The following MAGI3 variants were observed in gnomAD, a reference collection of about 807,000 sequenced individuals.
MAGI3 encodes the protein membrane-associated guanylate kinase, WW and PDZ domain-containing protein 3.
In MAGI3, 43 loss-of-function variants were observed where a neutral mutation model predicts 121.8. That is an observed-to-expected ratio of 0.35 (90% CI 0.28 to 0.46). The LOEUF (loss-of-function observed/expected upper bound fraction) is 0.46, where lower values mean the gene tolerates loss of function less well. Among genes scored for constraint, MAGI3 ranks in the 20% least tolerant of loss-of-function variants. The pLI, the probability that MAGI3 is intolerant of heterozygous loss-of-function variation, is 1.00. For missense variants in MAGI3, 1,547 were observed against 1,797.3 expected (o/e 0.86, Z 2.52); for synonymous variants, 553 against 639.3 (o/e 0.86, Z 2.04).
chr1:113,438,286 G>T (rs1036942226), intron 1 of MAGI3, among the ~76,000 whole-genome samples: 4 of 152,062 alleles, frequency 2.6e-5, no homozygotes, highest in African/African-American at 9.7e-5. Flanking sequence ...ATCCTGAGGG[G>T]ATATGTTCCA....
chr1:113,442,260 T>C (rs540024286), intron 1 of MAGI3, among the ~76,000 whole-genome samples: 32 of 152,304 alleles, frequency 2.1e-4, no homozygotes, highest in African/African-American at 6.3e-4. Flanking sequence ...GCAGAAGATA[T>C]GTTGAGAAGC....
intron 1 of MAGI3, among the ~76,000 whole-genome samples, chr1:113,456,853 C>CTT (rs76977595): frequency 2.1e-5 from 3 of 139,716 alleles, no homozygotes; most frequent in Non-Finnish European, 3.1e-5. Context: ...CGGATACAGC[C>CTT]TTTTTTTTTT....
At chr1:113,429,821 A>G (rs1653210194) in intron 1 of MAGI3, among the ~76,000 whole-genome samples, 1 of 152,138 alleles carries the variant, frequency 6.6e-6, no homozygotes, top group Non-Finnish European at 1.5e-5. Context: ...GTGGAGAGGT[A>G]GGGTGTTCCT....
intron 6 of MAGI3, among the ~76,000 whole-genome samples, chr1:113,596,118 A>G (rs983297343): frequency 1.3e-5 from 2 of 152,118 alleles, no homozygotes; most frequent in African/African-American, 2.4e-5. Context: ...AAAAAAGACA[A>G]AGTTGGAAGA....
intron 1 of MAGI3, among the ~76,000 whole-genome samples, chr1:113,425,474 C>T (rs1399040135): frequency 2.0e-5 from 3 of 151,512 alleles, no homozygotes; most frequent in African/African-American, 4.8e-5. Context: ...TCAGTAGAGA[C>T]GGGATTTCAC....
intron 1 of MAGI3, among the ~76,000 whole-genome samples, chr1:113,463,757 G>A (rs1456813958): frequency 6.6e-6 from 1 of 151,916 alleles, no homozygotes; most frequent in African/African-American, 2.4e-5. Flanking sequence ...CTGGAATTGG[G>A]GATGTCAATC....
At chr1:113,598,870 C>T (rs1235688) in intron 6 of MAGI3, among the ~76,000 whole-genome samples, 112,088 of 152,042 alleles carry the variant, frequency 0.74, 41,841 homozygotes, top group African/African-American at 0.78. Context: ...GCAGAATATA[C>T]ATTCTTCTCA....
chr1:113,574,754 T>C (rs1647513847), intron 2 of MAGI3, among the ~76,000 whole-genome samples: 1 of 152,198 alleles, frequency 6.6e-6, no homozygotes, highest in Non-Finnish European at 1.5e-5. Context: ...TTGCGGAGGT[T>C]CTCCTGGATA....
At chr1:113,529,265 AT>A (rs1204401071) in intron 1 of MAGI3, among the ~76,000 whole-genome samples, 1 of 152,204 alleles carries the variant, frequency 6.6e-6, no homozygotes, top group African/African-American at 2.4e-5. Context: ...TATAATGAAA[AT>A]TCCATAAACT....
At chr1:113,557,272 C>T (rs1175145961) in intron 2 of MAGI3, among the ~76,000 whole-genome samples, 1 of 152,164 alleles carries the variant, frequency 6.6e-6, no homozygotes, top group Non-Finnish European at 1.5e-5. Flanking sequence ...CCCACTGGCA[C>T]ATACTATGGA....
At chr1:113,495,569 T>A (rs1051378988) in intron 1 of MAGI3, among the ~76,000 whole-genome samples, 1 of 152,170 alleles carries the variant, frequency 6.6e-6, no homozygotes, top group Non-Finnish European at 1.5e-5. Flanking sequence ...GTACCTTTCT[T>A]TTAATGCCAG....
intron 1 of MAGI3, among the ~76,000 whole-genome samples, chr1:113,545,239 A>T (rs934632722): frequency 2.0e-5 from 3 of 152,328 alleles, no homozygotes; most frequent in African/African-American, 7.2e-5. Context: ...AGATTGTAAA[A>T]AAATGAAATA....
intron 2 of MAGI3, among the ~76,000 whole-genome samples, chr1:113,554,420 A>G (rs1305498271): frequency 2.0e-5 from 3 of 152,102 alleles, no homozygotes; most frequent in Non-Finnish European, 4.4e-5. Context: ...AAACTGAAGC[A>G]TAGAGAAGAA....
chr1:113,392,722 C>T (rs896819881), intron 1 of MAGI3, among the ~76,000 whole-genome samples: 1 of 152,108 alleles, frequency 6.6e-6, no homozygotes, highest in African/African-American at 2.4e-5. Context: ...AAAACTTTGG[C>T]AGACTTTAAA....
chr1:113,640,983 T>C (rs1049348398), intron 9 of MAGI3, among the ~76,000 whole-genome samples: 1 of 124,408 alleles, frequency 8.0e-6, no homozygotes, highest in Non-Finnish European at 1.6e-5. Flanking sequence ...ATATAATATA[T>C]ATACACTATA....
chr1:113,510,971 GT>G (rs1329754933), intron 1 of MAGI3, among the ~76,000 whole-genome samples: 1 of 152,108 alleles, frequency 6.6e-6, no homozygotes, highest in African/African-American at 2.4e-5. Flanking sequence ...TTACATTACA[GT>G]TAATTGTTGA....
At chr1:113,583,641 C>G in intron 3 of MAGI3, among the ~76,000 whole-genome samples, 1 of 152,028 alleles carries the variant, frequency 6.6e-6, no homozygotes, top group South Asian at 2.1e-4. Context: ...ACCCTCGAAC[C>G]TCCTAATCCC....
chr1:113,553,692 GA>G (rs1254608719), intron 2 of MAGI3, among the ~76,000 whole-genome samples: 1 of 152,132 alleles, frequency 6.6e-6, no homozygotes, highest in Non-Finnish European at 1.5e-5. Flanking sequence ...AAGAAAGAAG[GA>G]AAGAAGTAAA....
chr1:113,483,987 T>C (rs1656233363), intron 1 of MAGI3, among the ~76,000 whole-genome samples: 1 of 152,186 alleles, frequency 6.6e-6, no homozygotes, highest in Non-Finnish European at 1.5e-5. Context: ...TTTTAGCATG[T>C]ATCCCATTTA....
Sources: gnomAD v4.1 joint callset for allele counts (sites outside exome capture counted in the v4.1 genomes callset) on GRCh38, gnomAD v4.1.1 for gene constraint, MANE v1.5 for transcripts, NCBI Gene and HGNC (gene_info 2026-07-23, HGNC 2026-07-21) for gene names.